The following DPYD variants were observed in gnomAD, a reference collection of about 807,000 sequenced individuals.
DPYD encodes dihydropyrimidine dehydrogenase [NADP(+)].
In DPYD, 109 loss-of-function variants were observed where a neutral mutation model predicts 116.2. The ratio of observed to expected loss-of-function variants is 0.94; its 90% CI spans 0.80 to 1.10. DPYD has a LOEUF of 1.10. Among genes scored for constraint, DPYD ranks in the 50% least tolerant of loss-of-function variants. The pLI is 0.00. For missense variants in DPYD, 1,302 were observed against 1,254.5 expected, an observed-to-expected ratio of 1.04 and a Z score of -0.57; for synonymous variants, 440 against 432.0, an observed-to-expected ratio of 1.02 and a Z score of -0.23.
At position 97,334,377 on chromosome 1, in the gene DPYD, T is replaced by A. The variant is rs75779981; in HGVS notation, c.2059-28080A>T. On this transcript the variant is annotated intron_variant, in intron 16 of 22. Coordinates refer to ENST00000370192, the MANE Select transcript of DPYD (RefSeq NM_000110.4). Reference sequence around the variant, plus strand: ...GCAACTGCTCCAGATGTACAAGTGCTAGCATGGGGTATGGTTGAAGTTATA... The same window carrying A: ...GCAACTGCTCCAGATGTACAAGTGCAAGCATGGGGTATGGTTGAAGTTATA... Among the ~76,000 whole-genome samples the A allele has an allele frequency of 2.6e-4, 39 of 152,290 alleles. 1 individual carries two copies. The highest frequency in any genetic ancestry group is 1.2e-3 in the South Asian group (6 of 4,826).
At chr1:97,483,298 C>T (rs766130465) in intron 13 of DPYD, among the ~76,000 whole-genome samples, 32 of 152,168 alleles carry the variant, frequency 2.1e-4, no homozygotes, top group African/African-American at 3.6e-4. Flanking sequence ...TTTATTTACT[C>T]GTTTCAGATG....
At chr1:97,572,018 G>T (rs868002160) in intron 11 of DPYD, among the ~76,000 whole-genome samples, 24 of 151,922 alleles carry the variant, frequency 1.6e-4, no homozygotes, top group African/African-American at 5.5e-4. Flanking sequence ...AACATGGAAG[G>T]CTCCTGGTAA....
At chr1:97,184,275 T>C (rs576967863) in intron 20 of DPYD, among the ~76,000 whole-genome samples, 1 of 152,248 alleles carries the variant, frequency 6.6e-6, no homozygotes, top group South Asian at 2.1e-4. Context: ...CCTTTGGGTA[T>C]ATATTTGGCA....
At chr1:97,218,575 C>A (rs1479751534) in intron 19 of DPYD, among the ~76,000 whole-genome samples, 1 of 150,330 alleles carries the variant, frequency 6.7e-6, no homozygotes, top group East Asian at 1.9e-4. Context: ...CTTTAGACAT[C>A]CTAGATCAAA....
intron 19 of DPYD, among the ~76,000 whole-genome samples, chr1:97,226,060 T>A (rs972190653): frequency 3.3e-5 from 5 of 152,120 alleles, no homozygotes; most frequent in African/African-American, 1.2e-4. Context: ...ATAGCAGTCA[T>A]CTTAGAGATG....
intron 2 of DPYD, chr1:97,854,985 C>G (rs1352555918): frequency 1.3e-5 from 2 of 152,168 alleles, no homozygotes; most frequent in East Asian, 1.9e-4. Context: ...ATCAGCTAAG[C>G]CCATCACCTC....
At position 97,323,289 on chromosome 1, in the gene DPYD, CAT is replaced by C. The variant is rs771408234; in HGVS notation, c.2059-16994_2059-16993del. Among the ~76,000 whole-genome samples the C allele has an allele frequency of 1.2e-4, 18 of 146,468 alleles. 1 individual carries two copies. Among genetic ancestry groups the C allele is most frequent in the African/African-American group, 4.4e-4 (17 of 39,062 alleles). On this transcript the variant is annotated intron_variant, in intron 16 of 22. Coordinates refer to ENST00000370192, the MANE Select transcript of DPYD (RefSeq NM_000110.4). The stretch of plus-strand genomic sequence containing the variant: ...ATGTGTATATGTACACGTATATATA[CAT>C]ATGTGTATATGTACACGTATATATA...
At chr1:97,691,479 CAATT>C in intron 7 of DPYD, 1 of 434,232 alleles carries the variant, frequency 2.3e-6, no homozygotes, top group South Asian at 2.7e-5. Flanking sequence ...TTCTTACAGA[CAATT>C]AATCACATGC....
chr1:97,852,562 G>A (rs114106557), intron 2 of DPYD, among the ~76,000 whole-genome samples: 151 of 152,206 alleles, frequency 9.9e-4, no homozygotes, highest in African/African-American at 3.6e-3. Context: ...CAAGTGGAGT[G>A]TAGCCATTGA....
At chr1:97,740,350 A>T (rs1407526552) in intron 4 of DPYD, 42 bp downstream of exon 4, 1 of 1,511,848 alleles carries the variant, frequency 6.6e-7, no homozygotes, top group Non-Finnish European at 9.2e-7. Context: ...GAACAAGATC[A>T]AATACTGTTA....
intron 3 of DPYD, among the ~76,000 whole-genome samples, chr1:97,775,448 G>A (rs1016366050): frequency 1.3e-5 from 2 of 151,980 alleles, no homozygotes; most frequent in Non-Finnish European, 2.9e-5. Flanking sequence ...CTTAATTGCT[G>A]TAGTATAATA....
rs1420749677 is a variant in DPYD at position 97,229,145 on chromosome 1, T to A, written c.2442+5707A>T. On this transcript the variant is annotated intron_variant, in intron 19 of 22. Coordinates refer to ENST00000370192, the MANE Select transcript of DPYD (RefSeq NM_000110.4). ...TGTGAACCCGGGAGGCGGAGCTTGC[T>A]GTGAGCTGAGATTGCGTCACTGCAC... Among the ~76,000 whole-genome samples the A allele has an allele frequency of 2.8e-5, 4 of 141,446 alleles. No homozygotes were observed. The East Asian group carries it at 8.3e-4, about 29-fold the overall frequency. 92.8% of individuals were successfully genotyped at this position (141,446 alleles called of 152,430 possible).
In DPYD at chr1:97,650,814, T is replaced by C. The variant is rs560143819; in HGVS notation, c.850+28281A>G. On this transcript the variant is annotated intron_variant, in intron 8 of 22. Coordinates refer to ENST00000370192, the MANE Select transcript of DPYD (RefSeq NM_000110.4). ...TTCCTTGAAAAAAATTTAAATCTTA[T>C]CTGTTTCCACAGTGAATAATTCAAG... Among the ~76,000 whole-genome samples, 31 of 152,176 alleles carry C rather than the reference T, an allele frequency of 2.0e-4. No homozygotes were observed. In the East Asian group the frequency reaches 5.6e-3, roughly 27 times the overall value.
chr1:97,737,257 GA>G (rs1664015455), intron 4 of DPYD, among the ~76,000 whole-genome samples: 1 of 152,110 alleles, frequency 6.6e-6, no homozygotes, highest in South Asian at 2.1e-4. Flanking sequence ...TAAATGGATA[GA>G]GGGGTAAATA....
chr1:97,357,635 C>A (rs933689729), intron 16 of DPYD, among the ~76,000 whole-genome samples: 1 of 152,086 alleles, frequency 6.6e-6, no homozygotes, highest in Non-Finnish European at 1.5e-5. Context: ...AGCCTTCACC[C>A]AAATACTGCA....
chr1:97,302,973 A>G (rs775333497), intron 18 of DPYD, among the ~76,000 whole-genome samples: 6 of 151,994 alleles, frequency 3.9e-5, no homozygotes, highest in Non-Finnish European at 7.4e-5. Context: ...CGTTTTCCCA[A>G]TGCAAGTCAC....
At chr1:97,166,566 T>G (rs1282463952) in intron 20 of DPYD, among the ~76,000 whole-genome samples, 2 of 152,144 alleles carry the variant, frequency 1.3e-5, no homozygotes, top group African/African-American at 2.4e-5. Context: ...ATAAAAGTTT[T>G]AAAAACATTA....
rs372351732 is a variant in DPYD, at chr1:97,115,451, G to A, written c.2623-16819C>T. Among the ~76,000 whole-genome samples the A allele has an allele frequency of 9.9e-5, 15 of 152,234 alleles. No individual in the cohort carries two copies. In the East Asian group the frequency reaches 2.7e-3, roughly 27 times the overall value. ...ACGTGGCCATTTCAAAGAGAAGCAC[G>A]TTTAGAAGAATTAAAAGGTGCATGT... On this transcript the variant is annotated intron_variant, in intron 20 of 22. Transcript: ENST00000370192.
rs572149586 is a variant in DPYD at position 97,773,673 on chromosome 1, G to A, written c.234-33194C>T. 5.9e-5 allele frequency among the ~76,000 whole-genome samples: 9 copies of A among 152,272 alleles called. No individual in the cohort carries two copies. In the East Asian group the frequency reaches 9.7e-4, roughly 16 times the overall value. ...TTGCCATCGATGGCAGAACGACACG[G>A]CCATAGATGGCAGAACGAAGCGGAT... On this transcript the variant is annotated intron_variant, in intron 3 of 22. Coordinates refer to ENST00000370192, the MANE Select transcript of DPYD (RefSeq NM_000110.4).
Sources: gnomAD v4.1 joint callset for allele counts (sites outside exome capture counted in the v4.1 genomes callset) on GRCh38, gnomAD v4.1.1 for gene constraint, MANE v1.5 for transcripts, NCBI Gene and HGNC (gene_info 2026-07-23, HGNC 2026-07-21) for gene names.